Variants in CAB39 observed in about 807,000 individuals in gnomAD.
CAB39 encodes calcium binding protein 39.
A neutral mutation model predicts 40.0 loss-of-function variants in CAB39; 8 were observed. The observed-to-expected ratio is 0.20, with a 90% CI of 0.12 to 0.36. The LOEUF (loss-of-function observed/expected upper bound fraction) is 0.36. Among genes scored for constraint, CAB39 ranks in the 10% least tolerant of loss-of-function variants. The pLI, the probability that CAB39 is intolerant of heterozygous loss-of-function variation, is 1.00. For missense variants in CAB39, 270 were observed against 401.1 expected (o/e 0.67, Z 2.79); for synonymous variants, 156 against 141.6 (o/e 1.10, Z -0.72).
intron 1 of CAB39, among the ~76,000 whole-genome samples, chr2:230,746,013 T>C (rs745663946): frequency 1.3e-5 from 2 of 152,218 alleles, no homozygotes; most frequent in Non-Finnish European, 2.9e-5. Flanking sequence ...ATCTTAGAAA[T>C]TGCCCTTTGC....
chr2:230,781,455 G>A (rs998383094), intron 2 of CAB39, among the ~76,000 whole-genome samples: 8 of 152,182 alleles, frequency 5.3e-5, no homozygotes, highest in African/African-American at 1.9e-4. Flanking sequence ...ACAGTGCTCA[G>A]AAATTTGGGA....
chr2:230,731,419 C>T (rs994889811), intron 1 of CAB39, among the ~76,000 whole-genome samples: 12 of 152,144 alleles, frequency 7.9e-5, no homozygotes, highest in Admixed American at 1.3e-4. Context: ...AAGTGATCTT[C>T]GGTGTCTTAA....
At chr2:230,723,721 C>T (rs1559588098) in intron 1 of CAB39, among the ~76,000 whole-genome samples, 1 of 152,170 alleles carries the variant, frequency 6.6e-6, no homozygotes, top group Non-Finnish European at 1.5e-5. Context: ...AAGAACTCAG[C>T]GTATGTCTTG....
chr2:230,809,414 G>A (rs879696743), intron 5 of CAB39, among the ~76,000 whole-genome samples: 5 of 152,186 alleles, frequency 3.3e-5, no homozygotes, highest in Non-Finnish European at 2.9e-5. Flanking sequence ...GCAGTGGTAC[G>A]AAGGACCTCA....
chr2:230,796,102 T>C (rs1278884066), intron 4 of CAB39, among the ~76,000 whole-genome samples: 1 of 152,212 alleles, frequency 6.6e-6, no homozygotes, highest in East Asian at 1.9e-4. Context: ...TGGCGTAGGA[T>C]GACCATCTTG....
intron 1 of CAB39, among the ~76,000 whole-genome samples, chr2:230,721,482 A>G (rs976081843): frequency 2.6e-5 from 4 of 152,208 alleles, no homozygotes; most frequent in Non-Finnish European, 4.4e-5. Context: ...ATACTTAACC[A>G]AAATACAATT....
chr2:230,797,007 C>CT (rs1286827263), intron 4 of CAB39, among the ~76,000 whole-genome samples: 1 of 152,130 alleles, frequency 6.6e-6, no homozygotes. Flanking sequence ...AGAAGTTTGT[C>CT]TTTATTTGAT....
At position 230,774,167 on chromosome 2, in the gene CAB39, C is replaced by T. The variant is rs114407550; in HGVS notation, c.114+14052C>T. ...AATTCACACCTAGCTCTGCCAAATC[C>T]ATGGTAAAATTATGCCTTTTTCCAC... On this transcript the variant is annotated intron_variant, in intron 2 of 8. Coordinates refer to ENST00000258418, the MANE Select transcript of CAB39 (RefSeq NM_016289.4). Among the ~76,000 whole-genome samples, 1,087 of 152,288 alleles carry T rather than the reference C, an allele frequency of 7.1e-3. 2 individuals carry two copies. The highest frequency in any genetic ancestry group is 0.012 in the Non-Finnish European group (826 of 68,018).
At chr2:230,785,853 T>C in intron 2 of CAB39, among the ~76,000 whole-genome samples, 1 of 151,540 alleles carries the variant, frequency 6.6e-6, no homozygotes, top group Non-Finnish European at 1.5e-5. Context: ...CAGCTAACTT[T>C]TGTGTTTTTT....
At chr2:230,725,120 G>T in intron 1 of CAB39, 2 of 1,612,288 alleles carry the variant, frequency 1.2e-6, no homozygotes, top group Non-Finnish European at 1.7e-6. Flanking sequence ...GAGGGCTGGG[G>T]ATTGAGAGCT....
At chr2:230,732,509 A>C (rs1214617775) in intron 1 of CAB39, among the ~76,000 whole-genome samples, 1 of 152,212 alleles carries the variant, frequency 6.6e-6, no homozygotes, top group African/African-American at 2.4e-5. Context: ...TACAGACATA[A>C]TCTGTTATTT....
chr2:230,813,251 C>A (rs184587709), intron 6 of CAB39, among the ~76,000 whole-genome samples: 6 of 152,328 alleles, frequency 3.9e-5, no homozygotes, highest in Admixed American at 2.6e-4. Flanking sequence ...CCTGTCATTT[C>A]GGTTTTGTAA....
rs905539050 is a variant in CAB39, at chr2:230,729,895, T to C, written c.-44+16665T>C. 2.6e-5 allele frequency among the ~76,000 whole-genome samples: 4 copies of C among 152,180 alleles called. No homozygotes were observed. The South Asian group carries it at 6.2e-4, about 24-fold the overall frequency. ...CCCAGGGTGAGGAAATCTATAAATATTTGAGATTTTTACAAAGAAAACTAT... is the reference window on the plus strand; with the variant it reads ...CCCAGGGTGAGGAAATCTATAAATACTTGAGATTTTTACAAAGAAAACTAT... On this transcript the variant is annotated intron_variant, in intron 1 of 8. Coordinates refer to ENST00000258418, the MANE Select transcript of CAB39 (RefSeq NM_016289.4).
At chr2:230,772,089 A>T (rs1695491850) in intron 2 of CAB39, among the ~76,000 whole-genome samples, 1 of 152,250 alleles carries the variant, frequency 6.6e-6, no homozygotes, top group Non-Finnish European at 1.5e-5. Context: ...CATAAAAATT[A>T]AAACCTGCTC....
chr2:230,777,362 G>GTTTTTTTTTTTT (rs544926190), intron 2 of CAB39, among the ~76,000 whole-genome samples: 1 of 123,462 alleles, frequency 8.1e-6, no homozygotes, highest in Admixed American at 8.1e-5. Flanking sequence ...TGTTTTTTTT[G>GTTTTTTTTTTTT]TTTTTTTTTT....
chr2:230,717,562 C>G (rs74891798), intron 1 of CAB39, among the ~76,000 whole-genome samples: 1 of 152,164 alleles, frequency 6.6e-6, no homozygotes, highest in African/African-American at 2.4e-5. Flanking sequence ...ATACTTCTGC[C>G]GTCACCATTT....
intron 6 of CAB39, among the ~76,000 whole-genome samples, chr2:230,811,580 C>T (rs1466413166): frequency 6.6e-6 from 1 of 152,170 alleles, no homozygotes; most frequent in Non-Finnish European, 1.5e-5. Context: ...AAGTCTCAGC[C>T]CTACCATGGG....
chr2:230,733,359 G>C (rs574252176), intron 1 of CAB39, among the ~76,000 whole-genome samples: 1 of 152,138 alleles, frequency 6.6e-6, no homozygotes, highest in African/African-American at 2.4e-5. Context: ...CAGGTCCTCG[G>C]ATGTCCCCCC....
intron 2 of CAB39, among the ~76,000 whole-genome samples, chr2:230,762,857 A>C (rs1377913077): frequency 6.6e-6 from 1 of 152,208 alleles, no homozygotes; most frequent in Non-Finnish European, 1.5e-5. Flanking sequence ...TAAATAAGTA[A>C]ACATAGCTGA....
Sources: allele counts gnomAD v4.1 joint callset (sites outside exome capture counted in the v4.1 genomes callset), GRCh38; gene constraint gnomAD v4.1.1; transcripts MANE v1.5; gene names NCBI Gene and HGNC (gene_info 2026-07-23, HGNC 2026-07-21).